Variants in PTPN4 observed in about 807,000 individuals in gnomAD.
PTPN4 encodes protein tyrosine phosphatase non-receptor type 4.
A neutral mutation model predicts 135.5 loss-of-function variants in PTPN4; 49 were observed. The observed-to-expected ratio is 0.36, with a 90% CI of 0.29 to 0.46. The LOEUF is 0.46. Among genes scored for constraint, PTPN4 ranks in the 20% least tolerant of loss-of-function variants. The pLI, the probability that PTPN4 is intolerant of heterozygous loss-of-function variation, is 1.00. For synonymous variants in PTPN4, 333 were observed against 369.9 expected (o/e 0.90, Z 1.14); for missense variants, 860 against 1,101.0 (o/e 0.78, Z 3.10).
rs531063057 is a variant in PTPN4 at position 119,796,410 on chromosome 2, A to G, written c.-17-13427A>G. Among the ~76,000 whole-genome samples, 5 of 152,138 alleles carry G rather than the reference A, an allele frequency of 3.3e-5. No individual in the cohort carries two copies. In the East Asian group the frequency reaches 5.8e-4, roughly 18 times the overall value. On this transcript the variant is annotated intron_variant, in intron 1 of 26. Coordinates refer to ENST00000263708, the MANE Select transcript of PTPN4 (RefSeq NM_002830.4). Reference sequence around the variant, plus strand: ...CTGCTGGTCTGCTGTCTATCACCATAGCTTTGTTTGTGTTTTGTAGAATTT... The same window carrying G: ...CTGCTGGTCTGCTGTCTATCACCATGGCTTTGTTTGTGTTTTGTAGAATTT...
intron 19 of PTPN4, among the ~76,000 whole-genome samples, chr2:119,952,643 A>G (rs1558773322): frequency 2.0e-5 from 3 of 152,212 alleles, no homozygotes; most frequent in Non-Finnish European, 4.4e-5. Flanking sequence ...ATAACAAGCT[A>G]TAGTTAAAGT....
chr2:119,943,667 G>A (rs1679093823), intron 15 of PTPN4, among the ~76,000 whole-genome samples: 1 of 127,042 alleles, frequency 7.9e-6, no homozygotes, highest in African/African-American at 2.9e-5. Context: ...CTCACTGCAA[G>A]CTCCGCCTCC....
intron 2 of PTPN4, among the ~76,000 whole-genome samples, chr2:119,820,484 C>T (rs1194653225): frequency 6.6e-6 from 1 of 152,184 alleles, no homozygotes; most frequent in Non-Finnish European, 1.5e-5. Context: ...AATTGTCTGT[C>T]CTGATTCCCA....
chr2:119,891,800 G>T (rs1678244949), intron 9 of PTPN4, among the ~76,000 whole-genome samples: 1 of 152,096 alleles, frequency 6.6e-6, no homozygotes, highest in South Asian at 2.1e-4. Context: ...TTTTGATTAA[G>T]ATCTATTGCT....
chr2:119,930,014 C>G (rs1291444017), intron 13 of PTPN4, among the ~76,000 whole-genome samples: 1 of 152,024 alleles, frequency 6.6e-6, no homozygotes, highest in Non-Finnish European at 1.5e-5. Flanking sequence ...AAATGTTAAT[C>G]TTTATTTTAA....
intron 2 of PTPN4, among the ~76,000 whole-genome samples, chr2:119,820,650 A>G (rs1209520199): frequency 6.6e-6 from 1 of 152,176 alleles, no homozygotes; most frequent in African/African-American, 2.4e-5. Context: ...TGAACCCACC[A>G]TTCATAATGT....
At chr2:119,784,706 T>TTC (rs1248702022) in intron 1 of PTPN4, among the ~76,000 whole-genome samples, 1 of 147,148 alleles carries the variant, frequency 6.8e-6, no homozygotes, top group Non-Finnish European at 1.5e-5. Context: ...ATTTTTTTTT[T>TTC]TTTTTTTTTT....
intron 12 of PTPN4, among the ~76,000 whole-genome samples, chr2:119,924,154 AAAGC>A (rs1441978441): frequency 2.6e-5 from 4 of 151,566 alleles, no homozygotes; most frequent in African/African-American, 7.3e-5. Flanking sequence ...AAAAAAAAAA[AAAGC>A]AAGGGACTAG....
chr2:119,843,218 CTTT>C (rs779045976), intron 2 of PTPN4, among the ~76,000 whole-genome samples: 9 of 107,288 alleles, frequency 8.4e-5, no homozygotes, highest in Non-Finnish European at 1.1e-4. Context: ...ATGCATTTTT[CTTT>C]TTTTTTTTTT....
chr2:119,938,712 G>T (rs1679020877), intron 15 of PTPN4, among the ~76,000 whole-genome samples: 2 of 152,214 alleles, frequency 1.3e-5, no homozygotes, highest in South Asian at 2.1e-4. Flanking sequence ...TCATATTCTG[G>T]ATATATTCTG....
intron 2 of PTPN4, among the ~76,000 whole-genome samples, chr2:119,855,277 C>G (rs991516200): frequency 6.6e-6 from 1 of 151,944 alleles, no homozygotes; most frequent in African/African-American, 2.4e-5. Context: ...AGAAAAGACC[C>G]TAAGTTAGGG....
chr2:119,835,872 A>G (rs1393991614), intron 2 of PTPN4, among the ~76,000 whole-genome samples: 2 of 152,038 alleles, frequency 1.3e-5, no homozygotes, highest in Non-Finnish European at 2.9e-5. Context: ...GATCGAAACC[A>G]TCCTGGCTAA....
intron 13 of PTPN4, 103 bp downstream of exon 13, chr2:119,926,769 C>A: frequency 1.2e-6 from 1 of 829,310 alleles, no homozygotes; most frequent in Non-Finnish European, 1.9e-6. Context: ...CTAAATATTT[C>A]AAATTTTTGA....
chr2:119,791,501 T>C (rs1319862940), intron 1 of PTPN4, among the ~76,000 whole-genome samples: 1 of 152,208 alleles, frequency 6.6e-6, no homozygotes, highest in Non-Finnish European at 1.5e-5. Flanking sequence ...TTTTAGGTTT[T>C]GTTTCTCTGG....
In PTPN4 at chr2:119,868,947, G is replaced by A. The variant is rs555178854; in HGVS notation, c.246+6304G>A. Among the ~76,000 whole-genome samples, 10 of 152,084 alleles carry A rather than the reference G, an allele frequency of 6.6e-5. No individual in the cohort carries two copies. The South Asian group carries it at 1.3e-3, about 19-fold the overall frequency. ...AGCACCACTGGGTTAGGGTCTCCCC[G>A]ACTGAGCTGGTCTCGGCATATACCA... On this transcript the variant is annotated intron_variant, in intron 3 of 26. Transcript: ENST00000263708.
intron 7 of PTPN4, 56 bp downstream of exon 7, chr2:119,882,205 A>G: frequency 6.7e-7 from 1 of 1,485,824 alleles, no homozygotes; most frequent in South Asian, 1.2e-5. Context: ...TTGTGTTGCT[A>G]GTACATTGGC....
At chr2:119,810,666 T>G (rs1394909979) in intron 2 of PTPN4, among the ~76,000 whole-genome samples, 1 of 152,242 alleles carries the variant, frequency 6.6e-6, no homozygotes, top group Admixed American at 6.5e-5. Flanking sequence ...TGTACATATC[T>G]TGATACATAT....
intron 2 of PTPN4, among the ~76,000 whole-genome samples, chr2:119,836,138 T>C (rs955336287): frequency 1.1e-4 from 17 of 151,956 alleles, no homozygotes; most frequent in Non-Finnish European, 1.9e-4. Context: ...TTTAGACACT[T>C]AAAAATAAGT....
intron 9 of PTPN4, among the ~76,000 whole-genome samples, chr2:119,892,626 T>G (rs914422900): frequency 6.6e-6 from 1 of 151,880 alleles, no homozygotes; most frequent in African/African-American, 2.4e-5. Context: ...TAGCTAAGAG[T>G]TTAGTGTGGC....
Sources: allele counts gnomAD v4.1 joint callset (sites outside exome capture counted in the v4.1 genomes callset), GRCh38; gene constraint gnomAD v4.1.1; transcripts MANE v1.5; gene names NCBI Gene and HGNC (gene_info 2026-07-23, HGNC 2026-07-21).